Variants in DPP6 observed in about 807,000 individuals in gnomAD.
DPP6 encodes dipeptidyl peptidase like 6, also known as A-type potassium channel modulatory protein DPP6.
Under a neutral mutation model 122.6 loss-of-function variants are expected in DPP6, and 69 were observed. The observed-to-expected ratio is 0.56, with a 90% CI of 0.46 to 0.69. The LOEUF (loss-of-function observed/expected upper bound fraction) is 0.69, where lower values mean the gene tolerates loss of function less well. Ranked by LOEUF, DPP6 falls within the 30% of genes least tolerant of loss-of-function variation. DPP6 has a pLI of 0.00. For missense variants in DPP6, 928 were observed against 1,116.9 expected, an observed-to-expected ratio of 0.83 and a Z score of 2.41; for synonymous variants, 418 against 433.1, an observed-to-expected ratio of 0.97 and a Z score of 0.43.
At chr7:153,874,252 G>GCA in the DPP6 span, among the ~76,000 whole-genome samples, 16,074 of 149,982 alleles carry the variant, frequency 0.11, 913 homozygotes, top group East Asian at 0.21. Context: ...GTGCGCACAT[G>GCA]CACACACACA....
At chr7:154,477,842 T>C (rs755937225) in intron 3 of DPP6, among the ~76,000 whole-genome samples, 6 of 152,206 alleles carry the variant, frequency 3.9e-5, no homozygotes, top group Non-Finnish European at 8.8e-5. Flanking sequence ...CCTTTGGTGT[T>C]GAGGAGCTTT....
chr7:154,150,695 C>G (rs969321379), intron 1 of DPP6, among the ~76,000 whole-genome samples: 1 of 152,234 alleles, frequency 6.6e-6, no homozygotes, highest in Admixed American at 6.5e-5. Flanking sequence ...GGCCTGAGAG[C>G]GGCTGCACAG....
chr7:154,077,388 C>T (rs1315452714), intron 1 of DPP6, among the ~76,000 whole-genome samples: 1 of 152,218 alleles, frequency 6.6e-6, no homozygotes, highest in African/African-American at 2.4e-5. Context: ...CCCATAAAAA[C>T]TTTCAGTATC....
rs75066196 is a variant in DPP6, at chr7:154,755,609, C to T, written c.884-13808C>T. 5.2e-3 allele frequency among the ~76,000 whole-genome samples: 791 copies of T among 152,248 alleles called. 41 individuals are homozygous for T. In the East Asian group the frequency reaches 0.13, roughly 25 times the overall value. On this transcript the variant is annotated intron_variant, in intron 8 of 25. Coordinates refer to ENST00000377770, the MANE Select transcript of DPP6 (RefSeq NM_130797.4). The surrounding 1 kb of genome is among the most constrained non-coding windows in gnomAD (Gnocchi z 4.7). ...GGCTTGGCGTGTGCTGGGTGCTCACCGACTGCTGGGTGTGGCCATCACCAT... is the reference window on the plus strand; with the variant it reads ...GGCTTGGCGTGTGCTGGGTGCTCACTGACTGCTGGGTGTGGCCATCACCAT...
intron 3 of DPP6, among the ~76,000 whole-genome samples, chr7:154,505,587 G>A (rs1443658053): frequency 6.6e-6 from 1 of 152,076 alleles, no homozygotes; most frequent in Non-Finnish European, 1.5e-5. Flanking sequence ...GAGGAACATG[G>A]GTCACGTCTT....
intron 1 of DPP6, chr7:154,094,641 T>C (rs1805191739): frequency 6.6e-6 from 1 of 152,186 alleles, no homozygotes; most frequent in Admixed American, 6.6e-5. Flanking sequence ...CTGGGTCTTA[T>C]ATCAGTGTCG....
chr7:154,286,012 C>T (rs1231899459), intron 1 of DPP6, among the ~76,000 whole-genome samples: 1 of 152,176 alleles, frequency 6.6e-6, no homozygotes, highest in Non-Finnish European at 1.5e-5. Context: ...CTGAAATATA[C>T]CTCTAAGAAA....
chr7:154,167,860 G>T (rs141854738), intron 1 of DPP6, among the ~76,000 whole-genome samples: 1 of 152,266 alleles, frequency 6.6e-6, no homozygotes, highest in African/African-American at 2.4e-5. Context: ...CAAAATGTCA[G>T]GCTCCCAGGC....
chr7:154,646,027 C>CAAA (rs71184020), intron 6 of DPP6, among the ~76,000 whole-genome samples: 1 of 57,928 alleles, frequency 1.7e-5, no homozygotes, highest in African/African-American at 7.1e-5. Context: ...GACTCCGTCT[C>CAAA]AAAAAAAAAA....
the DPP6 span, among the ~76,000 whole-genome samples, chr7:153,800,382 G>A: frequency 1.5e-3 from 225 of 152,268 alleles, no homozygotes; most frequent in African/African-American, 5.2e-3. Context: ...TTCATTTCAT[G>A]AAGGCAAAGA....
rs1228643539 is a variant in DPP6, at chr7:154,624,525, AGGAGCACAGTG to A, written c.628-13291_628-13281del. Among the ~76,000 whole-genome samples the A allele has an allele frequency of 1.3e-5, 2 of 152,142 alleles. No individual in the cohort carries two copies. The highest frequency in any genetic ancestry group is 2.4e-5 in the African/African-American group (1 of 41,430). On this transcript the variant is annotated intron_variant, in intron 5 of 25. Coordinates refer to ENST00000377770, the MANE Select transcript of DPP6 (RefSeq NM_130797.4). This position sits in a 1 kb window ranked among gnomAD's most constrained non-coding sequence, Gnocchi z 4.7. ...AATATATGCAGAGAAGAGAGTACTT[AGGAGCACAGTG>A]GGAGGGTGAGATGTCAGGGCTCAGC... is the stretch of plus-strand genomic sequence containing the variant.
At chr7:154,679,370 G>A (rs577677982) in intron 7 of DPP6, among the ~76,000 whole-genome samples, 1 of 152,184 alleles carries the variant, frequency 6.6e-6, no homozygotes, top group Non-Finnish European at 1.5e-5. Context: ...TCCCTTGAAT[G>A]GAGAGAGTAT....
chr7:154,623,215 T>C (rs1272539333), intron 5 of DPP6, among the ~76,000 whole-genome samples: 1 of 152,246 alleles, frequency 6.6e-6, no homozygotes, highest in African/African-American at 2.4e-5. Flanking sequence ...GCAAGTCTAC[T>C]GATACATCCT....
chr7:154,525,029 C>T (rs1054756707), intron 3 of DPP6, among the ~76,000 whole-genome samples: 8 of 152,108 alleles, frequency 5.3e-5, no homozygotes, highest in African/African-American at 1.9e-4. Flanking sequence ...ATGCTTCTAG[C>T]CCGTTTTCAT....
chr7:153,896,130 C>G (rs1799403476), intron 1 of DPP6, among the ~76,000 whole-genome samples: 1 of 152,192 alleles, frequency 6.6e-6, no homozygotes, highest in South Asian at 2.1e-4. Context: ...CTTTTTCCCT[C>G]TCCTACTGGA....
intron 1 of DPP6, among the ~76,000 whole-genome samples, chr7:154,197,679 A>G (rs1385175004): frequency 1.3e-5 from 2 of 152,216 alleles, no homozygotes; most frequent in Non-Finnish European, 2.9e-5. Context: ...ATTGGCAATA[A>G]GGTAGTATTG....
chr7:153,901,992 T>A (rs1183621090), intron 1 of DPP6, among the ~76,000 whole-genome samples: 1 of 152,252 alleles, frequency 6.6e-6, no homozygotes, highest in Non-Finnish European at 1.5e-5. Context: ...TGTGGAATCT[T>A]TATAGTAAAG....
At chr7:154,288,735 C>G (rs918236130) in intron 1 of DPP6, among the ~76,000 whole-genome samples, 2 of 152,098 alleles carry the variant, frequency 1.3e-5, no homozygotes, top group Non-Finnish European at 2.9e-5. Context: ...TGAGCACCTA[C>G]TATAAATAAT....
At chr7:154,836,666 A>G (rs1685422807) in intron 16 of DPP6, among the ~76,000 whole-genome samples, 1 of 152,200 alleles carries the variant, frequency 6.6e-6, no homozygotes, top group South Asian at 2.1e-4. Flanking sequence ...TTATTTTAAC[A>G]ACAAAAAAAC....
Sources: allele counts gnomAD v4.1 joint callset (sites outside exome capture counted in the v4.1 genomes callset), GRCh38; gene constraint gnomAD v4.1.1; non-coding constraint Gnocchi (gnomAD v3.1); transcripts MANE v1.5; gene names NCBI Gene and HGNC (gene_info 2026-07-23, HGNC 2026-07-21).